Variants in JMJD1C observed in about 807,000 individuals in gnomAD.
The protein encoded by JMJD1C is jumonji domain-containing protein 1C.
JMJD1C carries 31 observed loss-of-function variants against 245.3 expected under a neutral mutation model. The observed-to-expected ratio is 0.13, with a 90% CI of 0.09 to 0.17. The LOEUF is 0.17. JMJD1C is among the 10% of genes least tolerant of loss of function. The pLI, the probability that JMJD1C is intolerant of heterozygous loss-of-function variation, is 1.00. For synonymous variants in JMJD1C, 1,057 were observed against 1,017.4 expected, an observed-to-expected ratio of 1.04 and a Z score of -0.74; for missense variants, 2,691 against 3,000.2, an observed-to-expected ratio of 0.90 and a Z score of 2.41.
At chr10:63,270,251 C>T (rs529626613) in intron 2 of JMJD1C, among the ~76,000 whole-genome samples, 3 of 152,236 alleles carry the variant, frequency 2.0e-5, no homozygotes, top group South Asian at 4.1e-4. Context: ...ACTGCAACCT[C>T]TGCCTCCTGG....
intron 2 of JMJD1C, among the ~76,000 whole-genome samples, chr10:63,267,253 C>T (rs902510898): frequency 3.9e-5 from 6 of 151,974 alleles, no homozygotes; most frequent in Non-Finnish European, 7.4e-5. Flanking sequence ...TGTGTGACTG[C>T]TCTACTTTAA....
chr10:63,190,829 A>G, intron 17 of JMJD1C, 65 bp downstream of exon 17: 3 of 1,336,168 alleles, frequency 2.2e-6, no homozygotes, highest in Non-Finnish European at 3.2e-6. Flanking sequence ...CAGAGCCAAA[A>G]ACTAAGTCTC....
chr10:63,465,376 A>G (rs1354471622), intron 1 of JMJD1C, 119 bp downstream of exon 1: 3 of 1,071,392 alleles, frequency 2.8e-6, no homozygotes, highest in African/African-American at 3.2e-5. Context: ...GGTTCAGCAG[A>G]GGGGCGTGAC....
At chr10:63,291,921 G>C (rs1035167991) in intron 2 of JMJD1C, among the ~76,000 whole-genome samples, 1 of 151,974 alleles carries the variant, frequency 6.6e-6, no homozygotes, top group Non-Finnish European at 1.5e-5. Context: ...ATAGACATGA[G>C]AAATGTGTGT....
At chr10:63,507,154 C>T (rs1954743118) in intron 1 of JMJD1C, among the ~76,000 whole-genome samples, 1 of 152,162 alleles carries the variant, frequency 6.6e-6, no homozygotes, top group Non-Finnish European at 1.5e-5. Flanking sequence ...CTCATTTATG[C>T]ATTTACCTAC....
intron 2 of JMJD1C, among the ~76,000 whole-genome samples, chr10:63,313,363 G>A (rs1174691338): frequency 6.6e-6 from 1 of 152,196 alleles, no homozygotes; most frequent in Non-Finnish European, 1.5e-5. Context: ...ATTTGTGCCA[G>A]TTCCATATTT....
chr10:63,184,477 C>T (rs1379125455), intron 21 of JMJD1C, 131 bp downstream of exon 21: 9 of 721,750 alleles, frequency 1.2e-5, no homozygotes, highest in East Asian at 2.9e-5. Flanking sequence ...CTCCTGACCT[C>T]GTGATTCACC....
intron 1 of JMJD1C, among the ~76,000 whole-genome samples, chr10:63,392,811 G>A (rs571185198): frequency 6.4e-4 from 78 of 122,340 alleles, no homozygotes; most frequent in African/African-American, 2.4e-3. Flanking sequence ...GTGACAGAGC[G>A]AGACTTCGTC....
At chr10:63,503,807 G>A (rs1049509182) in intron 1 of JMJD1C, among the ~76,000 whole-genome samples, 4 of 152,084 alleles carry the variant, frequency 2.6e-5, no homozygotes, top group Admixed American at 6.6e-5. Context: ...GACAACTTTC[G>A]TAGTTCTGCC....
chr10:63,270,623 T>C (rs1354577611), intron 2 of JMJD1C, among the ~76,000 whole-genome samples: 3 of 152,098 alleles, frequency 2.0e-5, no homozygotes, highest in Non-Finnish European at 4.4e-5. Flanking sequence ...GGCATCACCA[T>C]GCCTAGCTAA....
chr10:63,478,918 G>A (rs1048956587), intron 1 of JMJD1C, among the ~76,000 whole-genome samples: 7 of 152,092 alleles, frequency 4.6e-5, no homozygotes, highest in African/African-American at 1.4e-4. Context: ...GCGAGCTATG[G>A]ATCCTGCCAC....
At chr10:63,279,496 CA>C (rs1857171328) in intron 2 of JMJD1C, among the ~76,000 whole-genome samples, 1 of 152,170 alleles carries the variant, frequency 6.6e-6, no homozygotes, top group Non-Finnish European at 1.5e-5. Context: ...CCTTGAAATG[CA>C]TGTGAAAGAG....
At chr10:63,375,053 T>G (rs932942019) in intron 2 of JMJD1C, among the ~76,000 whole-genome samples, 2 of 152,192 alleles carry the variant, frequency 1.3e-5, no homozygotes, top group African/African-American at 4.8e-5. Flanking sequence ...AAATACTATG[T>G]TGAGTGGACA....
Position 63,496,822 on chromosome 10 carries a change from T to C in JMJD1C, n.113+24916A>G, listed in dbSNP as rs73298565. On this transcript the variant is annotated intron_variant and non_coding_transcript_variant, in intron 1 of 3. Transcript: ENST00000633035. ...GTGAAATGTGACCAGAAACGTGACA[T>C]ATGTCAGTTCTGAGCAAAGGCTTTA... 7.2e-3 allele frequency among the ~76,000 whole-genome samples: 1,103 copies of C among 152,312 alleles called. 12 individuals are homozygous for C. Among genetic ancestry groups the C allele is most frequent in the African/African-American group, 0.025 (1,028 of 41,574 alleles).
chr10:63,465,500 G>T lies in JMJD1C; in HGVS notation c.163C>A (p.Leu55Met), dbSNP rs1183954793. The change falls in exon 1 of 26, where the codon CTG (leucine) becomes ATG (methionine). Residue 55 changes from leucine to methionine, a missense_variant. Leu to Met is a conservative substitution (Grantham distance 15, BLOSUM62 2). Transcript: ENST00000399262. ...VSHRDSRNPD[L>M]AVYVEFDDLE... ...GGGGGCGCTGACTCTCTTACCGCCA[G>T]GTCCGGATTGCGGCTGTCCCTGTGT... 6.2e-7 allele frequency: 1 copy of T among 1,602,976 alleles called. No individual in the cohort carries two copies. Among genetic ancestry groups the T allele is most frequent in the Admixed American group, 1.7e-5 (1 of 59,474 alleles).
At chr10:63,458,441 T>C (rs888936000) in intron 1 of JMJD1C, among the ~76,000 whole-genome samples, 1 of 151,512 alleles carries the variant, frequency 6.6e-6, no homozygotes, top group Non-Finnish European at 1.5e-5. Flanking sequence ...CCTGTAATTA[T>C]GCCACTGTAC....
At chr10:63,292,338 G>T (rs1485605010) in intron 2 of JMJD1C, among the ~76,000 whole-genome samples, 1 of 151,976 alleles carries the variant, frequency 6.6e-6, no homozygotes, top group East Asian at 1.9e-4. Context: ...ATGGCTGGGT[G>T]CAGTGGCTCA....
At chr10:63,262,279 C>T (rs1002437691) in intron 3 of JMJD1C, among the ~76,000 whole-genome samples, 1 of 151,978 alleles carries the variant, frequency 6.6e-6, no homozygotes, top group Non-Finnish European at 1.5e-5. Context: ...TGTAATTACA[C>T]GAACTCTAAA....
upstream of JMJD1C, among the ~76,000 whole-genome samples, chr10:63,470,407 C>T (rs994734017): frequency 1.2e-4 from 19 of 152,230 alleles, no homozygotes; most frequent in Middle Eastern, 0.014. Flanking sequence ...AAAATAATGT[C>T]TTATGTACAT....
Sources: gnomAD v4.1 joint callset for allele counts (sites outside exome capture counted in the v4.1 genomes callset) on GRCh38, gnomAD v4.1.1 for gene constraint, MANE v1.5 for transcripts, NCBI Gene and HGNC (gene_info 2026-07-23, HGNC 2026-07-21) for gene names.